NSMAF: variants seen among roughly 807,000 people sequenced by gnomAD.
NSMAF encodes the protein protein FAN.
In NSMAF, 90 loss-of-function variants were observed where a neutral mutation model predicts 134.9. The observed-to-expected ratio is 0.67, with a 90% confidence interval of 0.56 to 0.79. NSMAF has a LOEUF of 0.79. NSMAF is among the 30% of genes least tolerant of loss of function. The probability of loss-of-function intolerance (pLI) is 0.00; values close to 1 mark genes in which losing one functional copy is unlikely to be tolerated. For synonymous variants in NSMAF, 358 were observed against 389.6 expected (o/e 0.92, Z 0.96); for missense variants, 1,010 against 1,119.0 (o/e 0.90, Z 1.39).
At chr8:58,649,989 T>G (rs553621683) in intron 1 of NSMAF, among the ~76,000 whole-genome samples, 1 of 152,234 alleles carries the variant, frequency 6.6e-6, no homozygotes, top group African/African-American at 2.4e-5. Context: ...TATGCACACA[T>G]GTTCTTTCAG....
chr8:58,603,514 G>C (rs1235684543), intron 12 of NSMAF, 128 bp from the exon 13 acceptor site: 1 of 766,848 alleles, frequency 1.3e-6, no homozygotes, highest in East Asian at 2.7e-5. Context: ...AAGAAAAGTA[G>C]GCTGCTGACT....
chr8:58,648,993 C>G (rs183549598), intron 1 of NSMAF, among the ~76,000 whole-genome samples: 14 of 152,358 alleles, frequency 9.2e-5, no homozygotes, highest in Non-Finnish European at 1.6e-4. Context: ...CCTCTAGACT[C>G]AACAATGGTA....
chr8:58,597,329 T>C, intron 21 of NSMAF, 58 bp downstream of exon 21: 2 of 1,474,658 alleles, frequency 1.4e-6, no homozygotes, highest in Middle Eastern at 1.8e-4. Context: ...TTCAGAAACA[T>C]TTTCATCACA....
At chr8:58,644,238 C>A (rs879617084) in intron 1 of NSMAF, among the ~76,000 whole-genome samples, 2 of 152,106 alleles carry the variant, frequency 1.3e-5, no homozygotes, top group African/African-American at 2.4e-5. Flanking sequence ...AACACCACTA[C>A]AATGTGAATA....
chr8:58,631,480 GA>G lies in NSMAF; in HGVS notation c.384+15del, dbSNP rs764047317. The G allele has an allele frequency of 1.4e-6, 2 of 1,452,564 alleles. No individual in the cohort carries two copies. The highest frequency in any genetic ancestry group is 1.9e-6 in the Non-Finnish European group (2 of 1,066,700). The allele number at this position is 1,452,564 out of a possible 1,614,324, so 90.0% of individuals were successfully genotyped here. On this transcript the variant is annotated intron_variant, in intron 6 of 30. Transcript: ENST00000038176. ...ACTATATAAATTGCTGGAAATACAT[GA>G]AAAGCTTTACTTACCCTTTCTATTT...
intron 11 of NSMAF, among the ~76,000 whole-genome samples, chr8:58,607,437 G>A (rs1046005168): frequency 1.3e-5 from 2 of 152,158 alleles, no homozygotes; most frequent in Non-Finnish European, 2.9e-5. Flanking sequence ...AATGGTGGAG[G>A]CAAGTACAGC....
intron 30 of NSMAF, 21 bp downstream of exon 30, chr8:58,585,631 G>C (rs12677290): frequency 1.3e-6 from 2 of 1,515,906 alleles, no homozygotes; most frequent in South Asian, 1.1e-5. Flanking sequence ...AAAGATCAAG[G>C]CAACTGCAGT....
chr8:58,589,753 A>G, intron 25 of NSMAF, 178 bp from the exon 26 acceptor site: 1 of 722,594 alleles, frequency 1.4e-6, no homozygotes, highest in South Asian at 2.7e-5. Flanking sequence ...TTAAAATTAG[A>G]AATTTCCATG....
Position 58,635,484 on chromosome 8 carries a change from G to T in NSMAF, c.212C>A (p.Ser71Tyr). 1.2e-6 allele frequency: 2 copies of T among 1,603,570 alleles called. No individual in the cohort carries two copies. Among genetic ancestry groups the T allele is most frequent in the Non-Finnish European group, 1.7e-6 (2 of 1,175,996 alleles). Residue 71 changes from serine (S) to tyrosine (Y), a missense_variant, in exon 3 of 31, where the codon TCC becomes TAC. Physicochemically the swap from Ser to Tyr is moderately radical, Grantham distance 144. Transcript: ENST00000038176. ...KSVIFEPDSI[S>Y]QPIIKIPLRD... ...TGTATTTACCTTGATGATGGGCTGG[G>T]ATATTGAATCTGGTTCAAAAATCAC...
intron 18 of NSMAF, 175 bp downstream of exon 18, chr8:58,599,575 T>C: frequency 1.1e-6 from 1 of 882,476 alleles, no homozygotes; most frequent in South Asian, 1.9e-5. Context: ...AAATATATAT[T>C]AATGTTTTTA....
At chr8:58,586,716 A>G (rs1209827773) in intron 27 of NSMAF, 108 bp from the exon 28 acceptor site, 11 of 828,092 alleles carry the variant, frequency 1.3e-5, no homozygotes, top group Non-Finnish European at 2.1e-5. Context: ...ATTAAACTCT[A>G]TTGTGCAGTA....
chr8:58,610,068 T>C (rs1268800486), intron 9 of NSMAF, among the ~76,000 whole-genome samples: 2 of 152,212 alleles, frequency 1.3e-5, no homozygotes, highest in Non-Finnish European at 2.9e-5. Flanking sequence ...TTTCCTATTT[T>C]TCTGTCATTA....
At chr8:58,625,463 T>C (rs557399331) in intron 6 of NSMAF, among the ~76,000 whole-genome samples, 21 of 152,220 alleles carry the variant, frequency 1.4e-4, no homozygotes, top group Admixed American at 3.3e-4. Context: ...TGGTTCTGTT[T>C]CTCTGGAGAA....
intron 9 of NSMAF, among the ~76,000 whole-genome samples, chr8:58,613,417 C>T (rs1164530580): frequency 6.6e-6 from 1 of 152,028 alleles, no homozygotes; most frequent in Non-Finnish European, 1.5e-5. Flanking sequence ...TACACTCTGG[C>T]ACGAGGTACA....
intron 1 of NSMAF, among the ~76,000 whole-genome samples, chr8:58,653,076 T>C (rs567425390): frequency 6.6e-6 from 1 of 152,244 alleles, no homozygotes; most frequent in East Asian, 1.9e-4. Flanking sequence ...AGACTATAAC[T>C]GAGGATGGGG....
intron 5 of NSMAF, among the ~76,000 whole-genome samples, chr8:58,632,674 G>A (rs1236344949): frequency 6.6e-6 from 1 of 152,106 alleles, no homozygotes; most frequent in East Asian, 1.9e-4. Flanking sequence ...CCAGCCACAG[G>A]GCTTTAAAAA....
Position 58,586,758 on chromosome 8 carries a change from C to G in NSMAF, c.2296-150G>C, listed in dbSNP as rs1477858117. On this transcript the variant is annotated intron_variant, in intron 27 of 30. Coordinates refer to ENST00000038176, the MANE Select transcript of NSMAF (RefSeq NM_003580.4). The stretch of plus-strand genomic sequence containing the variant: ...TGTTGCTAATGCAGATGTATTTCAA[C>G]ATCATCCTACGGAATAACTTATTTT... The G allele has an allele frequency of 5.2e-6, 3 of 571,760 alleles. No homozygotes were observed. In the African/African-American group the frequency reaches 5.8e-5, roughly 11 times the overall value. 35.4% of individuals were successfully genotyped at this position (571,760 alleles called of 1,614,324 possible).
At position 58,597,493 on chromosome 8, in the gene NSMAF, C is replaced by T; in HGVS notation, c.1686G>A (p.Gln562=). ...AMLTQILEFG[Q]TPKQLFVTPH... ...GTGTCACAAATAGTTGTTTTGGTGT[C>T]TGCCCAAATTCCAAGATTTGCGTAA... Residue 562 remains glutamine (Q), a synonymous_variant, in exon 21 of 31, where the codon CAG becomes CAA. Coordinates refer to ENST00000038176, the MANE Select transcript of NSMAF (RefSeq NM_003580.4). 1 of 1,614,192 alleles carries T rather than the reference C, an allele frequency of 6.2e-7. No individual in the cohort carries two copies. Among genetic ancestry groups the T allele is most frequent in the Non-Finnish European group, 8.5e-7 (1 of 1,180,002 alleles).
intron 30 of NSMAF, 127 bp downstream of exon 30, chr8:58,585,525 C>T: frequency 1.5e-6 from 1 of 657,360 alleles, no homozygotes. Flanking sequence ...GCTCCAGGGA[C>T]ATGTTTACGA....
Sources: allele counts gnomAD v4.1 joint callset (sites outside exome capture counted in the v4.1 genomes callset), GRCh38; gene constraint gnomAD v4.1.1; transcripts MANE v1.5; gene names NCBI Gene and HGNC (gene_info 2026-07-23, HGNC 2026-07-21).